SLC25A31: variants seen among roughly 807,000 people sequenced by gnomAD.
SLC25A31 encodes the protein solute carrier family 25 member 31, also known as ADP/ATP translocase 4.
Under a neutral mutation model 36.2 loss-of-function variants are expected in SLC25A31, and 40 were observed. The observed-to-expected ratio is 1.10, with a 90% CI of 0.86 to 1.44. The LOEUF is 1.44. SLC25A31 is among the 40% of genes most tolerant of loss of function. The pLI is 0.00. For synonymous variants in SLC25A31, 143 were observed against 149.7 expected, an observed-to-expected ratio of 0.96 and a Z score of 0.32; for missense variants, 350 against 397.1, an observed-to-expected ratio of 0.88 and a Z score of 1.01.
intron 1 of SLC25A31, among the ~76,000 whole-genome samples, chr4:127,732,721 A>G (rs917527815): frequency 1.1e-4 from 17 of 152,352 alleles, no homozygotes; most frequent in East Asian, 7.7e-4. Flanking sequence ...TGAGAGGATC[A>G]TAAGTAGAAC....
intron 5 of SLC25A31, among the ~76,000 whole-genome samples, chr4:127,769,661 A>G (rs1732313774): frequency 6.6e-6 from 1 of 152,208 alleles, no homozygotes; most frequent in Non-Finnish European, 1.5e-5. Context: ...TCTGCACCCA[A>G]ATTCATAGTC....
rs573990575 is a variant in SLC25A31 at position 127,766,873 on chromosome 4, C to T, written c.479-193C>T. On this transcript the variant is annotated intron_variant, in intron 3 of 5. Coordinates refer to ENST00000281154, the MANE Select transcript of SLC25A31 (RefSeq NM_031291.4). ...GTTTTCATGAGAGATTAATATTTTC[C>T]ATTTATTTCTTTTGAGATAGTACTT... Among the ~76,000 whole-genome samples, 131 of 152,214 alleles carry T rather than the reference C, an allele frequency of 8.6e-4. 1 individual carries two copies. Among genetic ancestry groups the T allele is most frequent in the African/African-American group, 3.0e-3 (124 of 41,536 alleles).
intron 1 of SLC25A31, among the ~76,000 whole-genome samples, chr4:127,740,532 G>A (rs1288046654): frequency 6.6e-6 from 1 of 152,210 alleles, no homozygotes; most frequent in African/African-American, 2.4e-5. Context: ...CTATTTACTG[G>A]GAGAAAGGAT....
chr4:127,772,889 C>T (rs1290022434), intron 5 of SLC25A31, among the ~76,000 whole-genome samples: 1 of 151,386 alleles, frequency 6.6e-6, no homozygotes, highest in Non-Finnish European at 1.5e-5. Context: ...TCAGGTGATC[C>T]TCCCACTTCA....
chr4:127,759,771 T>C (rs1732093998), intron 2 of SLC25A31, among the ~76,000 whole-genome samples: 1 of 152,188 alleles, frequency 6.6e-6, no homozygotes, highest in African/African-American at 2.4e-5. Flanking sequence ...ACATACTTAA[T>C]GCCATTGAAT....
intron 1 of SLC25A31, among the ~76,000 whole-genome samples, chr4:127,735,924 C>G (rs1202038470): frequency 2.3e-5 from 3 of 128,410 alleles, no homozygotes; most frequent in African/African-American, 5.7e-5. Flanking sequence ...GAGTCTCGCT[C>G]TGTCGCCCAG....
At chr4:127,751,555 A>C (rs1731933158) in intron 2 of SLC25A31, among the ~76,000 whole-genome samples, 1 of 152,216 alleles carries the variant, frequency 6.6e-6, no homozygotes, top group Non-Finnish European at 1.5e-5. Context: ...TGGCAACACA[A>C]GCCAAAATTG....
intron 3 of SLC25A31, among the ~76,000 whole-genome samples, chr4:127,766,058 C>G (rs1460941096): frequency 6.6e-6 from 1 of 151,666 alleles, no homozygotes; most frequent in East Asian, 1.9e-4. Flanking sequence ...AAAAATATGA[C>G]CCCTTCATAT....
Position 127,750,047 on chromosome 4 carries a change from A to G in SLC25A31, c.360+5248A>G, listed in dbSNP as rs112237686. Among the ~76,000 whole-genome samples, 1,015 of 150,516 alleles carry G rather than the reference A, an allele frequency of 6.7e-3. 5 individuals carry two copies. The highest frequency in any genetic ancestry group is 0.011 in the Non-Finnish European group (746 of 67,434). ...CATGACATTTTCAGAGTGCTAAAAG[A>G]AAAAAAAAATGTCAGCCAAGAATAT... On this transcript the variant is annotated intron_variant, in intron 2 of 5. Coordinates refer to ENST00000281154, the MANE Select transcript of SLC25A31 (RefSeq NM_031291.4).
At chr4:127,769,826 C>CA (rs1309723641) in intron 5 of SLC25A31, among the ~76,000 whole-genome samples, 41 of 152,266 alleles carry the variant, frequency 2.7e-4, no homozygotes, top group Admixed American at 2.3e-3. Flanking sequence ...AGTGAGAGAA[C>CA]ATTCTAAGCA....
intron 1 of SLC25A31, 89 bp downstream of exon 1, chr4:127,730,866 G>A: frequency 8.0e-7 from 1 of 1,254,216 alleles, no homozygotes; most frequent in Non-Finnish European, 1.1e-6. Context: ...GCATGATTGT[G>A]GGCCCCACAA....
intron 2 of SLC25A31, among the ~76,000 whole-genome samples, chr4:127,756,032 CA>C (rs201439228): frequency 0.052 from 5,161 of 99,180 alleles, 269 homozygotes; most frequent in East Asian, 0.32. Context: ...GACCCCACCT[CA>C]AAAAAAAAAA....
intron 1 of SLC25A31, among the ~76,000 whole-genome samples, chr4:127,732,855 C>T (rs1464164160): frequency 6.6e-6 from 1 of 152,018 alleles, no homozygotes; most frequent in Non-Finnish European, 1.5e-5. Context: ...ACTTGTGGGG[C>T]AATTTTTTTT....
At chr4:127,733,654 A>G (rs1421854548) in intron 1 of SLC25A31, among the ~76,000 whole-genome samples, 1 of 152,210 alleles carries the variant, frequency 6.6e-6, no homozygotes, top group Non-Finnish European at 1.5e-5. Flanking sequence ...TCCTTATTTT[A>G]AAACATAAAT....
chr4:127,767,123 C>A lies in SLC25A31; in HGVS notation c.536C>A (p.Ser179Ter). ...GACTGTATTATGAAAATAGCAAAAT[C>A]AGATGGAATTGCTGGTTTATACCAA... ...LGDCIMKIAK[S>*]DGIAGLYQGF... Residue 179 changes from serine (S) to a stop codon, truncating the protein, a stop_gained, in exon 4 of 6, where the codon TCA becomes TAA. Transcript: ENST00000281154. LOFTEE classifies it high-confidence loss of function. 1.2e-6 allele frequency: 2 copies of A among 1,613,762 alleles called. No individual in the cohort carries two copies. The highest frequency in any genetic ancestry group is 1.7e-6 in the Non-Finnish European group (2 of 1,179,838).
chr4:127,766,119 T>C (rs1281544801), intron 3 of SLC25A31, among the ~76,000 whole-genome samples: 3 of 151,862 alleles, frequency 2.0e-5, no homozygotes, highest in Admixed American at 2.0e-4. Context: ...CTTTATCTTT[T>C]TGCTTTTCAA....
At position 127,744,588 on chromosome 4, in the gene SLC25A31, T is replaced by G; in HGVS notation, c.233-84T>G. On this transcript the variant is annotated intron_variant, in intron 1 of 5. Transcript: ENST00000281154. The stretch of plus-strand genomic sequence containing the variant: ...ATAAGAAAGAGTATGTTTTAGATAG[T>G]TCATATAGCTAAATTTGCTAAAACT... The G allele has an allele frequency of 3.3e-6, 4 of 1,221,532 alleles. No individual in the cohort carries two copies. The South Asian group carries it at 6.1e-5, about 19-fold the overall frequency. 75.7% of individuals were successfully genotyped at this position (1,221,532 alleles called of 1,614,324 possible).
chr4:127,764,464 A>G (rs951896277), intron 3 of SLC25A31, 104 bp downstream of exon 3: 56 of 951,818 alleles, frequency 5.9e-5, no homozygotes, highest in East Asian at 2.0e-4. Flanking sequence ...GATAAAGTCT[A>G]CGAACTTTGT....
At chr4:127,746,053 C>T (rs558621218) in intron 2 of SLC25A31, among the ~76,000 whole-genome samples, 13 of 152,226 alleles carry the variant, frequency 8.5e-5, no homozygotes, top group African/African-American at 2.9e-4. Context: ...TGAGAACATG[C>T]AGTATTTGGT....
Sources: gnomAD v4.1 joint callset for allele counts (sites outside exome capture counted in the v4.1 genomes callset) on GRCh38, gnomAD v4.1.1 for gene constraint, MANE v1.5 for transcripts, NCBI Gene and HGNC (gene_info 2026-07-23, HGNC 2026-07-21) for gene names.